Variants in PPM1D observed in about 807,000 individuals in gnomAD.
PPM1D encodes protein phosphatase 1D.
Under a neutral mutation model 58.3 loss-of-function variants are expected in PPM1D, and 52 were observed. The ratio of observed to expected loss-of-function variants is 0.89; its 90% CI spans 0.71 to 1.12. The LOEUF is 1.12. Ranked by LOEUF, PPM1D falls within the 50% of genes most tolerant of loss-of-function variation. The pLI is 0.00. For synonymous variants in PPM1D, 278 were observed against 285.1 expected, an observed-to-expected ratio of 0.98 and a Z score of 0.25; for missense variants, 564 against 777.2, an observed-to-expected ratio of 0.73 and a Z score of 3.26.
intron 1 of PPM1D, among the ~76,000 whole-genome samples, chr17:60,617,403 A>G (rs1313101122): frequency 6.6e-6 from 1 of 151,930 alleles, no homozygotes; most frequent in Admixed American, 6.6e-5. Flanking sequence ...ATAGCCAGGC[A>G]CAGTAGCACA....
chr17:60,643,919 C>G (rs2031187907), intron 3 of PPM1D, among the ~76,000 whole-genome samples: 1 of 126,888 alleles, frequency 7.9e-6, no homozygotes, highest in African/African-American at 2.9e-5. Context: ...TGGAGTCTCA[C>G]TCTCGCCCAG....
At chr17:60,620,645 G>T (rs975683456) in intron 1 of PPM1D, among the ~76,000 whole-genome samples, 1 of 151,926 alleles carries the variant, frequency 6.6e-6, no homozygotes, top group African/African-American at 2.4e-5. Context: ...CCTGAGCTGG[G>T]ATTACAGGTG....
chr17:60,600,933 C>A, intron 1 of PPM1D, 47 bp downstream of exon 1: 1 of 1,610,602 alleles, frequency 6.2e-7, no homozygotes, highest in South Asian at 1.1e-5. Context: ...TCAGGCAGTT[C>A]AGGGCTTTTA....
rs73990906 is a variant in PPM1D at position 60,601,528 on chromosome 17, T to C, written c.472+642T>C. 5.3e-3 allele frequency among the ~76,000 whole-genome samples: 810 copies of C among 152,324 alleles called. 3 individuals carry two copies. The highest frequency in any genetic ancestry group is 0.019 in the African/African-American group (780 of 41,554). ...ATGAAAACTAAAAACGCGGAACGTG[T>C]TGTTACCTCTTAAAAACTGGCCCCG... is the stretch of plus-strand genomic sequence containing the variant. On this transcript the variant is annotated intron_variant, in intron 1 of 5. Transcript: ENST00000305921.
intron 1 of PPM1D, among the ~76,000 whole-genome samples, chr17:60,603,110 A>T (rs372196115): frequency 1.3e-5 from 2 of 152,156 alleles, no homozygotes; most frequent in East Asian, 3.8e-4. Context: ...TATATCCATC[A>T]TGTAGATTCC....
At chr17:60,613,904 A>AC (rs1419084550) in intron 1 of PPM1D, among the ~76,000 whole-genome samples, 73 of 86,086 alleles carry the variant, frequency 8.5e-4, no homozygotes, top group Admixed American at 2.9e-3. Context: ...CCCCCCCGCC[A>AC]CCCCCCCGCC....
intron 1 of PPM1D, among the ~76,000 whole-genome samples, chr17:60,614,039 C>T (rs953475541): frequency 1.9e-5 from 1 of 52,744 alleles, no homozygotes; most frequent in African/African-American, 3.0e-5. Flanking sequence ...AGGCCCGGGA[C>T]TGGCAGGCAG....
At chr17:60,624,743 A>G (rs985993843) in intron 2 of PPM1D, among the ~76,000 whole-genome samples, 7 of 151,752 alleles carry the variant, frequency 4.6e-5, no homozygotes, top group African/African-American at 1.7e-4. Flanking sequence ...CTGAGATTGC[A>G]CCATTGCACT....
chr17:60,652,281 C>T (rs1306027834), intron 4 of PPM1D, among the ~76,000 whole-genome samples: 1 of 152,102 alleles, frequency 6.6e-6, no homozygotes, highest in African/African-American at 2.4e-5. Flanking sequence ...ATAATGTCCT[C>T]CAGTTCCATC....
chr17:60,600,986 C>G (rs2030197093), intron 1 of PPM1D, 100 bp downstream of exon 1: 2 of 1,516,410 alleles, frequency 1.3e-6, no homozygotes, highest in South Asian at 2.4e-5. Context: ...AGAGCGCAAC[C>G]AAAGTATACA....
At chr17:60,651,500 C>T (rs757374798) in intron 4 of PPM1D, among the ~76,000 whole-genome samples, 11 of 151,218 alleles carry the variant, frequency 7.3e-5, no homozygotes, top group Non-Finnish European at 8.8e-5. Context: ...CAGGTTCAAG[C>T]GATTCCCCTG....
chr17:60,629,131 G>T (rs1053528681), intron 2 of PPM1D, among the ~76,000 whole-genome samples: 5 of 152,148 alleles, frequency 3.3e-5, no homozygotes, highest in Non-Finnish European at 7.3e-5. Context: ...CACCTCTGTT[G>T]TAAGACAGCA....
chr17:60,639,102 C>CA (rs565879823), intron 3 of PPM1D, among the ~76,000 whole-genome samples: 1 of 151,650 alleles, frequency 6.6e-6, no homozygotes, highest in Admixed American at 6.6e-5. Context: ...CAGATGATAA[C>CA]AAAAAACTGA....
At chr17:60,629,602 C>A (rs2030877818) in intron 2 of PPM1D, among the ~76,000 whole-genome samples, 1 of 152,160 alleles carries the variant, frequency 6.6e-6, no homozygotes, top group African/African-American at 2.4e-5. Context: ...AAACAGAATT[C>A]TTCCATATAT....
chr17:60,654,868 C>CAA (rs745626059), intron 4 of PPM1D, among the ~76,000 whole-genome samples: 1 of 74,310 alleles, frequency 1.3e-5, no homozygotes, highest in East Asian at 3.3e-4. Flanking sequence ...AACTCCATCT[C>CAA]AAAAAAAAAA....
At chr17:60,653,449 T>C (rs2031381393) in intron 4 of PPM1D, among the ~76,000 whole-genome samples, 1 of 152,172 alleles carries the variant, frequency 6.6e-6, no homozygotes, top group Admixed American at 6.5e-5. Flanking sequence ...CCCTCTAGTA[T>C]AGTTTTGAAG....
At chr17:60,639,929 T>C (rs895241339) in intron 3 of PPM1D, among the ~76,000 whole-genome samples, 1 of 152,192 alleles carries the variant, frequency 6.6e-6, no homozygotes, top group African/African-American at 2.4e-5. Flanking sequence ...CATAGTGATA[T>C]AGGAACTCTG....
chr17:60,646,403 A>C (rs2031251432), intron 3 of PPM1D, among the ~76,000 whole-genome samples: 1 of 152,118 alleles, frequency 6.6e-6, no homozygotes, highest in African/African-American at 2.4e-5. Context: ...GAAAAGGACA[A>C]AGCTTCCTCT....
intron 1 of PPM1D, among the ~76,000 whole-genome samples, chr17:60,618,487 G>A (rs577539212): frequency 3.3e-5 from 5 of 152,338 alleles, no homozygotes; most frequent in Admixed American, 1.3e-4. Flanking sequence ...GTGCGGTCTT[G>A]TAGTTATGCA....
Sources: allele counts gnomAD v4.1 joint callset (sites outside exome capture counted in the v4.1 genomes callset), GRCh38; gene constraint gnomAD v4.1.1; transcripts MANE v1.5; gene names NCBI Gene and HGNC (gene_info 2026-07-23, HGNC 2026-07-21).